Variants in CDH13 observed in about 807,000 individuals in gnomAD.
The protein encoded by CDH13 is cadherin-13.
Under a neutral mutation model 63.8 loss-of-function variants are expected in CDH13, and 24 were observed. The ratio of observed to expected loss-of-function variants is 0.38; its 90% CI spans 0.27 to 0.53. CDH13 has a LOEUF of 0.53. Ranked by LOEUF, CDH13 falls within the 20% of genes least tolerant of loss-of-function variation. The probability of loss-of-function intolerance (pLI) is 0.85; values close to 1 mark genes in which losing one functional copy is unlikely to be tolerated. For missense variants in CDH13, 1,049 were observed against 903.1 expected, an observed-to-expected ratio of 1.16 and a Z score of -2.07; for synonymous variants, 503 against 355.3, an observed-to-expected ratio of 1.42 and a Z score of -4.67.
chr16:83,170,266 G>GA (rs755751854), intron 4 of CDH13, among the ~76,000 whole-genome samples: 22 of 151,646 alleles, frequency 1.5e-4, no homozygotes, highest in Non-Finnish European at 2.7e-4. Flanking sequence ...TTTTCCTCTA[G>GA]AAAAAAAATG....
intron 6 of CDH13, among the ~76,000 whole-genome samples, chr16:83,419,594 C>A (rs1372699941): frequency 6.6e-6 from 1 of 152,162 alleles, no homozygotes; most frequent in Non-Finnish European, 1.5e-5. Flanking sequence ...CCAATAATAT[C>A]TAGACCATGG....
At chr16:82,794,407 CT>C (rs1377236898) in intron 1 of CDH13, among the ~76,000 whole-genome samples, 1 of 123,680 alleles carries the variant, frequency 8.1e-6, no homozygotes, top group East Asian at 2.2e-4. Context: ...ATTTTTTTTT[CT>C]TTTCTTTTCT....
intron 2 of CDH13, among the ~76,000 whole-genome samples, chr16:82,880,871 C>A (rs902348857): frequency 6.6e-6 from 1 of 152,142 alleles, no homozygotes; most frequent in East Asian, 1.9e-4. Flanking sequence ...ATACTGAGAA[C>A]CTCAGTGTTA....
chr16:82,672,338 C>T (rs528156156), intron 1 of CDH13, among the ~76,000 whole-genome samples: 3 of 152,216 alleles, frequency 2.0e-5, no homozygotes, highest in Admixed American at 1.3e-4. Flanking sequence ...ACTGAGCATC[C>T]GACTTAGAAG....
chr16:83,481,874 G>A lies in CDH13; in HGVS notation c.782-4603G>A, dbSNP rs945734956. On this transcript the variant is annotated intron_variant, in intron 6 of 13. Coordinates refer to ENST00000567109, the MANE Select transcript of CDH13 (RefSeq NM_001257.5). ...CTGTCTGGAAACACAAGACAAGCCC[G>A]GATAGGAAGCTGCATGAGCTGGTGA... Among the ~76,000 whole-genome samples the A allele has an allele frequency of 2.2e-4, 34 of 152,278 alleles. 1 individual carries two copies. Among genetic ancestry groups the A allele is most frequent in the Admixed American group, 6.5e-4 (10 of 15,296 alleles).
chr16:83,355,937 A>T (rs1344026713), intron 6 of CDH13, among the ~76,000 whole-genome samples: 1 of 152,178 alleles, frequency 6.6e-6, no homozygotes, highest in Non-Finnish European at 1.5e-5. Flanking sequence ...TACCTTTTAA[A>T]GCAGTCCTTA....
intron 1 of CDH13, among the ~76,000 whole-genome samples, chr16:82,663,508 C>A (rs1392479557): frequency 6.6e-6 from 1 of 152,108 alleles, no homozygotes; most frequent in African/African-American, 2.4e-5. Context: ...TTACACAGTC[C>A]CCTGTATGTC....
intron 11 of CDH13, among the ~76,000 whole-genome samples, chr16:83,752,250 A>T (rs1913148760): frequency 6.6e-6 from 1 of 152,218 alleles, no homozygotes; most frequent in Non-Finnish European, 1.5e-5. Flanking sequence ...GTGCAATTAT[A>T]AATCCAAAGA....
chr16:82,690,209 T>G (rs969555869), intron 1 of CDH13, among the ~76,000 whole-genome samples: 45 of 127,646 alleles, frequency 3.5e-4, no homozygotes, highest in East Asian at 7.1e-4. Flanking sequence ...CCCGGGTGGG[T>G]GGCTGGGGTG....
intron 4 of CDH13, among the ~76,000 whole-genome samples, chr16:83,154,159 C>T (rs1354435281): frequency 6.6e-6 from 1 of 152,106 alleles, no homozygotes; most frequent in Non-Finnish European, 1.5e-5. Flanking sequence ...GTTCTGCCAC[C>T]TTTGTCGTTT....
chr16:83,160,494 G>C (rs960144607), intron 4 of CDH13, among the ~76,000 whole-genome samples: 2 of 152,148 alleles, frequency 1.3e-5, no homozygotes, highest in Non-Finnish European at 2.9e-5. Context: ...CTGCATTTTT[G>C]TGAATGTCAG....
intron 5 of CDH13, among the ~76,000 whole-genome samples, chr16:83,257,108 G>A (rs536409547): frequency 2.0e-5 from 3 of 152,004 alleles, no homozygotes; most frequent in Non-Finnish European, 4.4e-5. Context: ...ATACAGAAAG[G>A]GATTTCCTTC....
At chr16:82,977,568 G>T (rs1033263593) in intron 2 of CDH13, among the ~76,000 whole-genome samples, 4 of 152,130 alleles carry the variant, frequency 2.6e-5, no homozygotes, top group African/African-American at 4.8e-5. Flanking sequence ...GGACATGTTT[G>T]TTTCCCCATC....
chr16:83,730,378 T>G (rs1202049850), intron 10 of CDH13, among the ~76,000 whole-genome samples: 9 of 152,192 alleles, frequency 5.9e-5, no homozygotes, highest in African/African-American at 2.2e-4. Flanking sequence ...AGCTATTTCT[T>G]TAAGCTAAAT....
chr16:83,053,127 A>C (rs2030560155), intron 3 of CDH13, among the ~76,000 whole-genome samples: 1 of 152,210 alleles, frequency 6.6e-6, no homozygotes, highest in African/African-American at 2.4e-5. Context: ...GGCTCTTAGA[A>C]AGATGCCTGG....
At chr16:83,656,359 G>C (rs748088413) in intron 8 of CDH13, among the ~76,000 whole-genome samples, 1 of 152,120 alleles carries the variant, frequency 6.6e-6, no homozygotes, top group Non-Finnish European at 1.5e-5. Context: ...AGGTGGAAAG[G>C]CCTCTGTTTC....
At chr16:83,707,472 G>C (rs1282357158) in intron 10 of CDH13, among the ~76,000 whole-genome samples, 1 of 152,120 alleles carries the variant, frequency 6.6e-6, no homozygotes, top group Non-Finnish European at 1.5e-5. Context: ...ATGCTTTTAA[G>C]TTGACTTTAA....
In CDH13 at chr16:82,858,480, A is replaced by C; in HGVS notation, c.157+7A>C. On this transcript the variant is annotated splice_region_variant and intron_variant, in intron 2 of 13. Transcript: ENST00000567109. ...GACCAGTCAATTCTAAACTGTAAGC[A>C]ATGTCACTCAAAGATGCTTTTAGAC... 1 of 1,509,826 alleles carries C rather than the reference A, an allele frequency of 6.6e-7. No homozygotes were observed. Among genetic ancestry groups the C allele is most frequent in the Non-Finnish European group, 9.2e-7 (1 of 1,085,138 alleles). 93.5% of individuals were successfully genotyped at this position (1,509,826 alleles called of 1,614,324 possible).
At chr16:82,751,749 G>A (rs572380049) in intron 1 of CDH13, among the ~76,000 whole-genome samples, 5 of 151,450 alleles carry the variant, frequency 3.3e-5, no homozygotes, top group South Asian at 2.1e-4. Context: ...ACAAGAGATC[G>A]CACGTTTTCG....
Sources: allele counts gnomAD v4.1 joint callset (sites outside exome capture counted in the v4.1 genomes callset), GRCh38; gene constraint gnomAD v4.1.1; transcripts MANE v1.5; gene names NCBI Gene and HGNC (gene_info 2026-07-23, HGNC 2026-07-21).